The following MGAM2 variants were observed in gnomAD, a reference collection of about 807,000 sequenced individuals.
MGAM2 encodes the protein probable maltase-glucoamylase 2.
Under a neutral mutation model 96.1 loss-of-function variants are expected in MGAM2, and 98 were observed. The observed-to-expected ratio is 1.02, with a 90% CI of 0.87 to 1.21. The LOEUF (loss-of-function observed/expected upper bound fraction) is 1.21. Among genes scored for constraint, MGAM2 ranks in the 50% most tolerant of loss-of-function variants. The pLI is 0.00. For missense variants in MGAM2, 2,055 were observed against 1,182.4 expected (o/e 1.74, Z -10.82); for synonymous variants, 749 against 414.8 (o/e 1.81, Z -9.79).
At chr7:142,209,939 G>T (rs1797526203) in intron 46 of MGAM2, among the ~76,000 whole-genome samples, 1 of 152,218 alleles carries the variant, frequency 6.6e-6, no homozygotes, top group African/African-American at 2.4e-5. Context: ...AATAGGAACA[G>T]CTCTGGCCTG....
At chr7:142,201,918 G>A (rs1319007302) in intron 45 of MGAM2, among the ~76,000 whole-genome samples, 2 of 152,046 alleles carry the variant, frequency 1.3e-5, no homozygotes, top group African/African-American at 2.4e-5. Context: ...TCATCAATAA[G>A]TATATTGGTC....
At chr7:142,189,538 A>G (rs1204383493) in intron 37 of MGAM2, 33 bp downstream of exon 37, 2 of 673,096 alleles carry the variant, frequency 3.0e-6, no homozygotes, top group African/African-American at 3.6e-5. Flanking sequence ...AGCAAAGATA[A>G]TTTTCCACAT....
rs1372433275 is a variant in MGAM2 at position 142,158,002 on chromosome 7, C to T, written c.1989C>T (p.Asn663=). The stretch of plus-strand genomic sequence containing the variant: ...TGAAATCCTCCAGACATTATCTGAA[C>T]ATCCGCTACACCTTGCTGCCCTATC... ...LLLKSSRHYL[N]IRYTLLPYLY... The change falls in exon 18 of 48, where the codon AAC becomes AAT. Residue 663 remains asparagine (N), a synonymous_variant. Coordinates refer to ENST00000477922, the MANE Select transcript of MGAM2 (RefSeq NM_001293626.2). The T allele has an allele frequency of 5.7e-6, 4 of 702,886 alleles. No individual in the cohort carries two copies. Among genetic ancestry groups the T allele is most frequent in the African/African-American group, 1.7e-5 (1 of 57,258 alleles). The allele number at this position is 702,886 out of a possible 1,614,324, so 43.5% of individuals were successfully genotyped here. A position where few individuals can be genotyped will look rare whatever the true frequency, so the allele number is the denominator to read the frequency against.
At chr7:142,163,548 G>A (rs1409261737) in intron 23 of MGAM2, among the ~76,000 whole-genome samples, 2 of 152,182 alleles carry the variant, frequency 1.3e-5, no homozygotes, top group African/African-American at 4.8e-5. Flanking sequence ...CCAAAGTGCT[G>A]GGGTTACAGG....
chr7:142,190,533 C>T (rs1209343357), intron 37 of MGAM2, among the ~76,000 whole-genome samples: 1 of 152,068 alleles, frequency 6.6e-6, no homozygotes, highest in African/African-American at 2.4e-5. Context: ...CTCGGCCTCC[C>T]AAAGTGCTGG....
intron 2 of MGAM2, among the ~76,000 whole-genome samples, chr7:142,117,542 A>G (rs911951733): frequency 1.3e-5 from 2 of 152,110 alleles, no homozygotes; most frequent in African/African-American, 4.8e-5. Flanking sequence ...TCAAAAATGT[A>G]TTTTCAGTTA....
chr7:142,135,330 G>A (rs368611166), intron 7 of MGAM2, among the ~76,000 whole-genome samples: 23 of 152,266 alleles, frequency 1.5e-4, no homozygotes, highest in East Asian at 3.9e-4. Flanking sequence ...ACTATGAATC[G>A]TACTACGTTT....
At chr7:142,190,341 G>A (rs10281868) in intron 37 of MGAM2, among the ~76,000 whole-genome samples, 3,696 of 144,720 alleles carry the variant, frequency 0.026, 147 homozygotes, top group African/African-American at 0.088. Context: ...GTGCAATCTC[G>A]GCTCACTGCA....
chr7:142,135,070 T>C (rs960340046), intron 7 of MGAM2, among the ~76,000 whole-genome samples: 2 of 151,934 alleles, frequency 1.3e-5, no homozygotes, highest in Non-Finnish European at 2.9e-5. Flanking sequence ...GAAGCCTCCA[T>C]TGTGCTGATG....
rs567505779 is a variant in MGAM2 at position 142,158,057 on chromosome 7, C to T, written c.2044C>T (p.Arg682Trp). Residue 682 changes from arginine (R) to tryptophan (W), a missense_variant, in exon 18 of 48, where the codon CGG (arginine) becomes TGG (tryptophan). Coordinates refer to ENST00000477922, the MANE Select transcript of MGAM2 (RefSeq NM_001293626.2). The part of the protein sequence containing the change: ...LYTLFYHAHT[R>W]GETVARPLVH... The stretch of plus-strand genomic sequence containing the variant: ...TACCCTTTTCTACCATGCTCACACC[C>T]GGGGAGAGACGGTAGCAAGGCCCCT... 2.0e-3 allele frequency: 1,398 copies of T among 702,938 alleles called. 4 individuals are homozygous for T. Among genetic ancestry groups the T allele is most frequent in the Non-Finnish European group, 2.8e-3 (1,066 of 384,984 alleles). 43.5% of individuals were successfully genotyped at this position (702,938 alleles called of 1,614,324 possible).
At chr7:142,169,675 A>T (rs1365541028) in intron 26 of MGAM2, among the ~76,000 whole-genome samples, 1 of 152,180 alleles carries the variant, frequency 6.6e-6, no homozygotes, top group East Asian at 1.9e-4. Flanking sequence ...GAGATCTCAG[A>T]GTCCATATGA....
rs762443205 is a variant in MGAM2, at chr7:142,172,641, T to C, written c.3449-11T>C. ...CAAGGATGTGCCTCATGTGTGTTGTTTTTCTTACAGATGTGACATTACAGC... is the reference window on the plus strand; with the variant it reads ...CAAGGATGTGCCTCATGTGTGTTGTCTTTCTTACAGATGTGACATTACAGC... On this transcript the variant is annotated splice_polypyrimidine_tract_variant and intron_variant, in intron 29 of 47. Coordinates refer to ENST00000477922, the MANE Select transcript of MGAM2 (RefSeq NM_001293626.2). 1.0e-5 allele frequency: 7 copies of C among 691,968 alleles called. No individual in the cohort carries two copies. The South Asian group carries it at 1.1e-4, about 11-fold the overall frequency. 42.9% of individuals were successfully genotyped at this position (691,968 alleles called of 1,614,324 possible).
intron 46 of MGAM2, among the ~76,000 whole-genome samples, chr7:142,213,159 A>G (rs1242000807): frequency 6.6e-6 from 1 of 152,076 alleles, no homozygotes; most frequent in Admixed American, 6.6e-5. Context: ...ACAACATATC[A>G]AAATCTCTGG....
chr7:142,200,766 T>A (rs1327760876), intron 45 of MGAM2, among the ~76,000 whole-genome samples: 1 of 152,176 alleles, frequency 6.6e-6, no homozygotes, highest in Non-Finnish European at 1.5e-5. Context: ...ATTAAAGAAG[T>A]AGATATTCTT....
intron 21 of MGAM2, 76 bp from the exon 22 acceptor site, chr7:142,161,049 G>A (rs1275541803): frequency 1.5e-6 from 1 of 681,324 alleles, no homozygotes; most frequent in Non-Finnish European, 2.7e-6. Context: ...ATCTGTCCCT[G>A]GGGGATGAAG....
At chr7:142,141,275 A>G (rs2129080548) in intron 12 of MGAM2, among the ~76,000 whole-genome samples, 156 bp downstream of exon 12, 1 of 152,282 alleles carries the variant, frequency 6.6e-6, no homozygotes, top group Non-Finnish European at 1.5e-5. Flanking sequence ...ATATAATAAT[A>G]GAATGATTAA....
intron 15 of MGAM2, among the ~76,000 whole-genome samples, chr7:142,150,158 C>T (rs541871950): frequency 6.6e-6 from 1 of 151,962 alleles, no homozygotes; most frequent in Non-Finnish European, 1.5e-5. Context: ...TCAGGCTAGT[C>T]TCAAACTCCC....
intron 25 of MGAM2, 96 bp from the exon 26 acceptor site, chr7:142,167,172 G>T: frequency 1.7e-6 from 1 of 605,402 alleles, no homozygotes; most frequent in South Asian, 1.9e-5. Flanking sequence ...CATGGACATG[G>T]TATTAGAGAC....
Position 142,114,216 on chromosome 7 carries a change from G to GAGAGAGAA in MGAM2, c.-1+2412_-1+2413insGAGAAAGA, listed in dbSNP as rs1554499600. ...AAAGAAAGAAAGAAAGAAAGAAAGA[G>GAGAGAGAA]AGAAAGAAAGAAAGAAATAGGAGAC... is the stretch of plus-strand genomic sequence containing the variant. On this transcript the variant is annotated intron_variant, in intron 1 of 47. Transcript: ENST00000477922. 3.0e-3 allele frequency among the ~76,000 whole-genome samples: 206 copies of GAGAGAGAA among 68,048 alleles called. 35 individuals are homozygous for GAGAGAGAA. The highest frequency in any genetic ancestry group is 0.015 in the African/African-American group (196 of 13,320). The allele number at this position is 68,048 out of a possible 152,430, so 44.6% of individuals were successfully genotyped here. A position where few individuals can be genotyped will look rare whatever the true frequency, so the allele number is the denominator to read the frequency against.
Sources: allele counts gnomAD v4.1 joint callset (sites outside exome capture counted in the v4.1 genomes callset), GRCh38; gene constraint gnomAD v4.1.1; transcripts MANE v1.5; gene names NCBI Gene and HGNC (gene_info 2026-07-23, HGNC 2026-07-21).